The following FHIT variants were observed in gnomAD, a reference collection of about 807,000 sequenced individuals.
The protein encoded by FHIT is fragile histidine triad diadenosine triphosphatase.
In FHIT, 19 loss-of-function variants were observed where a neutral mutation model predicts 17.9. That is an observed-to-expected ratio of 1.06 (90% CI 0.74 to 1.56). The LOEUF (loss-of-function observed/expected upper bound fraction) is 1.56. Ranked by LOEUF, FHIT falls within the 40% of genes most tolerant of loss-of-function variation. FHIT has a pLI of 0.00. For missense variants in FHIT, 248 were observed against 189.2 expected (o/e 1.31, Z -1.82); for synonymous variants, 81 against 69.7 (o/e 1.16, Z -0.81).
intron 5 of FHIT, among the ~76,000 whole-genome samples, chr3:60,470,705 C>G (rs912241392): frequency 6.6e-6 from 1 of 152,090 alleles, no homozygotes; most frequent in South Asian, 2.1e-4. Context: ...CTCTGCCATA[C>G]TGTGGCCAAA....
At chr3:60,715,332 G>C (rs35173173) in intron 4 of FHIT, among the ~76,000 whole-genome samples, 35 of 151,992 alleles carry the variant, frequency 2.3e-4, no homozygotes, top group Non-Finnish European at 4.4e-4. Context: ...CATACCATAT[G>C]AGGCACTATT....
At chr3:59,991,373 GTT>G (rs945832229) in intron 7 of FHIT, among the ~76,000 whole-genome samples, 1 of 152,014 alleles carries the variant, frequency 6.6e-6, no homozygotes, top group African/African-American at 2.4e-5. Flanking sequence ...TGCTGTGTGT[GTT>G]TGACTTGTTT....
At chr3:60,024,845 G>A (rs538687414) in intron 5 of FHIT, among the ~76,000 whole-genome samples, 5 of 152,344 alleles carry the variant, frequency 3.3e-5, no homozygotes, top group African/African-American at 9.6e-5. Context: ...CATGCATGGA[G>A]AAGCCACTGA....
chr3:60,860,412 CAT>C (rs782803855), intron 3 of FHIT, among the ~76,000 whole-genome samples: 1 of 121,020 alleles, frequency 8.3e-6, no homozygotes, highest in Non-Finnish European at 1.9e-5. Flanking sequence ...TGACATACAT[CAT>C]ATGTATATAT....
chr3:60,562,296 A>G (rs1297524722), intron 4 of FHIT, among the ~76,000 whole-genome samples: 3 of 152,206 alleles, frequency 2.0e-5, no homozygotes, highest in African/African-American at 4.8e-5. Context: ...CCAGGGGGAA[A>G]AGACTAAATG....
At position 59,814,045 on chromosome 3, in the gene FHIT, TACAC is replaced by T. The variant is rs144355020; in HGVS notation, c.349-61728_349-61725del. Among the ~76,000 whole-genome samples, 38 of 146,866 alleles carry T rather than the reference TACAC, an allele frequency of 2.6e-4. No individual in the cohort carries two copies. The South Asian group carries it at 2.8e-3, about 11-fold the overall frequency. The stretch of plus-strand genomic sequence containing the variant: ...CCCTCTATGTAAAAAAATTTACACA[TACAC>T]ACACACACACACACACACACACACA... On this transcript the variant is annotated intron_variant, in intron 8 of 9. Coordinates refer to ENST00000492590, the MANE Select transcript of FHIT (RefSeq NM_002012.4).
chr3:61,208,684 TC>T (rs2039342876), intron 1 of FHIT, among the ~76,000 whole-genome samples: 2 of 151,988 alleles, frequency 1.3e-5, no homozygotes, highest in Admixed American at 1.3e-4. Context: ...TCTTCCTCCA[TC>T]CCTTTATTTT....
intron 7 of FHIT, among the ~76,000 whole-genome samples, chr3:60,001,813 C>T (rs1420652776): frequency 2.0e-5 from 3 of 152,078 alleles, no homozygotes; most frequent in African/African-American, 7.2e-5. Context: ...CTTGGCCAAA[C>T]AGTTTCATCA....
intron 2 of FHIT, among the ~76,000 whole-genome samples, chr3:61,185,268 G>A (rs1039563799): frequency 1.4e-4 from 21 of 152,164 alleles, no homozygotes; most frequent in Non-Finnish European, 2.5e-4. Flanking sequence ...AGGCCACCTC[G>A]ACCTGAGCAG....
chr3:60,162,826 C>T (rs1408138225), intron 5 of FHIT, among the ~76,000 whole-genome samples: 1 of 152,100 alleles, frequency 6.6e-6, no homozygotes, highest in Non-Finnish European at 1.5e-5. Flanking sequence ...TATGGCTTCC[C>T]TGGATATTGA....
chr3:61,126,960 C>T (rs59204067), intron 2 of FHIT, among the ~76,000 whole-genome samples: 1 of 152,080 alleles, frequency 6.6e-6, no homozygotes, highest in Admixed American at 6.6e-5. Context: ...AGTAGAGAGC[C>T]TGGAGTGGAA....
At chr3:59,984,620 G>A (rs536900147) in intron 7 of FHIT, among the ~76,000 whole-genome samples, 3 of 152,154 alleles carry the variant, frequency 2.0e-5, no homozygotes, top group Non-Finnish European at 4.4e-5. Context: ...TAGCACATAT[G>A]AGAAGGGTGA....
chr3:60,814,245 G>C (rs1054300565), intron 4 of FHIT, among the ~76,000 whole-genome samples: 1 of 152,012 alleles, frequency 6.6e-6, no homozygotes, highest in Non-Finnish European at 1.5e-5. Flanking sequence ...ATATTTGCAT[G>C]TTTGTTACCT....
At chr3:60,745,865 C>A (rs1388513468) in intron 4 of FHIT, among the ~76,000 whole-genome samples, 1 of 152,126 alleles carries the variant, frequency 6.6e-6, no homozygotes, top group Non-Finnish European at 1.5e-5. Flanking sequence ...ACTCCCTCAT[C>A]CCCAGCAGCA....
chr3:60,437,106 A>G (rs1260121467), intron 5 of FHIT, among the ~76,000 whole-genome samples: 4 of 152,142 alleles, frequency 2.6e-5, no homozygotes, highest in Non-Finnish European at 5.9e-5. Flanking sequence ...AAAGTTTAGT[A>G]CAACTTTCTG....
intron 2 of FHIT, among the ~76,000 whole-genome samples, chr3:61,190,321 C>T (rs1187641653): frequency 1.3e-5 from 2 of 152,160 alleles, no homozygotes; most frequent in Non-Finnish European, 2.9e-5. Flanking sequence ...CCAAAAGACA[C>T]ATGAAAAAAT....
chr3:59,766,958 T>C (rs1051378946), intron 8 of FHIT, among the ~76,000 whole-genome samples: 7 of 152,208 alleles, frequency 4.6e-5, no homozygotes, highest in Non-Finnish European at 1.0e-4. Context: ...GAGTTCCTAA[T>C]TGGTTATCAG....
chr3:59,768,296 G>A (rs167140), intron 8 of FHIT, among the ~76,000 whole-genome samples: 16,261 of 152,228 alleles, frequency 0.11, 992 homozygotes, highest in Non-Finnish European at 0.14. Context: ...TCCTGGACAT[G>A]GTTTTCTTGG....
rs115497628 is a variant in FHIT, at chr3:60,380,937, C to T, written c.103+155923G>A. ...TGAGTGGCTGCCTGGTTCCACTATG[C>T]GAACATCATGGCAACCGCGTAACAA... On this transcript the variant is annotated intron_variant, in intron 5 of 9. Transcript: ENST00000492590. 9.9e-3 allele frequency among the ~76,000 whole-genome samples: 1,499 copies of T among 151,054 alleles called. 26 individuals carry two copies. The highest frequency in any genetic ancestry group is 0.034 in the African/African-American group (1,404 of 41,148).
Sources: allele counts gnomAD v4.1 joint callset (sites outside exome capture counted in the v4.1 genomes callset), GRCh38; gene constraint gnomAD v4.1.1; transcripts MANE v1.5; gene names NCBI Gene and HGNC (gene_info 2026-07-23, HGNC 2026-07-21).